BMPER: variants seen among roughly 807,000 people sequenced by gnomAD.
BMPER encodes BMP binding endothelial regulator.
BMPER carries 45 observed loss-of-function variants against 87.3 expected under a neutral mutation model. The observed-to-expected ratio is 0.52, with a 90% CI of 0.41 to 0.66. The LOEUF (loss-of-function observed/expected upper bound fraction) is 0.66. BMPER is among the 30% of genes least tolerant of loss of function. The probability of loss-of-function intolerance (pLI) is 0.00; values close to 1 mark genes in which losing one functional copy is unlikely to be tolerated. For missense variants in BMPER, 784 were observed against 867.5 expected, an observed-to-expected ratio of 0.90 and a Z score of 1.21; for synonymous variants, 326 against 316.2, an observed-to-expected ratio of 1.03 and a Z score of -0.33.
At chr7:33,993,312 G>C (rs1163451443) in intron 6 of BMPER, among the ~76,000 whole-genome samples, 74 of 150,258 alleles carry the variant, frequency 4.9e-4, no homozygotes, top group African/African-American at 1.2e-3. Context: ...AGGCTTTGCT[G>C]ATTTCTTTTT....
intron 13 of BMPER, among the ~76,000 whole-genome samples, chr7:34,102,613 T>C (rs950683621): frequency 6.6e-6 from 1 of 152,152 alleles, no homozygotes; most frequent in Non-Finnish European, 1.5e-5. Flanking sequence ...AGACTCTTAC[T>C]TGAAGAGGGG....
chr7:33,955,903 A>G (rs984669349), intron 3 of BMPER, among the ~76,000 whole-genome samples: 1 of 152,206 alleles, frequency 6.6e-6, no homozygotes, highest in East Asian at 1.9e-4. Flanking sequence ...GGGAACCTGG[A>G]CTAAGACAGA....
chr7:33,956,790 A>G (rs1785158754), intron 3 of BMPER, among the ~76,000 whole-genome samples: 1 of 152,260 alleles, frequency 6.6e-6, no homozygotes, highest in Admixed American at 6.5e-5. Context: ...TATAATACAC[A>G]TAACATACAA....
chr7:33,905,537 T>C (rs1783787957), upstream of BMPER: 3 of 1,565,576 alleles, frequency 1.9e-6, no homozygotes, highest in South Asian at 3.4e-5. Flanking sequence ...AGAGCCCTTT[T>C]CGACTGTGAG....
At chr7:34,010,881 T>C (rs1489615750) in intron 6 of BMPER, among the ~76,000 whole-genome samples, 3 of 151,962 alleles carry the variant, frequency 2.0e-5, no homozygotes, top group African/African-American at 7.2e-5. Context: ...TTAATTGACA[T>C]ATATTCAGCC....
At chr7:34,059,305 C>G (rs1464380999) in intron 10 of BMPER, among the ~76,000 whole-genome samples, 3 of 152,146 alleles carry the variant, frequency 2.0e-5, no homozygotes, top group Non-Finnish European at 4.4e-5. Flanking sequence ...AGTAACTAGC[C>G]TCAGCAGGCC....
intron 6 of BMPER, among the ~76,000 whole-genome samples, chr7:34,040,790 C>T (rs1181073327): frequency 6.6e-6 from 1 of 151,852 alleles, no homozygotes; most frequent in Non-Finnish European, 1.5e-5. Flanking sequence ...TTTCAGATTT[C>T]CATATTAGGG....
intron 13 of BMPER, among the ~76,000 whole-genome samples, chr7:34,129,603 AGAGAGAAAGAGAGAG>A (rs1562761978): frequency 3.9e-4 from 45 of 114,948 alleles, no homozygotes; most frequent in African/African-American, 1.5e-3. Context: ...AGAGAGAGAG[AGAGAGAAAGAGAGAG>A]AGAGAGAAAG....
intron 3 of BMPER, among the ~76,000 whole-genome samples, chr7:33,943,085 C>T (rs934099054): frequency 6.6e-6 from 1 of 152,032 alleles, no homozygotes; most frequent in Non-Finnish European, 1.5e-5. Flanking sequence ...TTTAATTAAA[C>T]ACTACATTAA....
At chr7:34,119,631 T>G (rs1276675614) in intron 13 of BMPER, among the ~76,000 whole-genome samples, 1 of 152,126 alleles carries the variant, frequency 6.6e-6, no homozygotes, top group African/African-American at 2.4e-5. Flanking sequence ...TTTGTTTTTC[T>G]AAAGGAAATA....
intron 7 of BMPER, among the ~76,000 whole-genome samples, chr7:34,047,800 T>TTCC (rs1788024066): frequency 6.8e-6 from 1 of 146,382 alleles, no homozygotes; most frequent in Non-Finnish European, 1.5e-5. Context: ...CCTTCCTTCC[T>TTCC]TCCTTCCTTT....
chr7:33,981,167 C>T (rs1006662629), intron 6 of BMPER, among the ~76,000 whole-genome samples: 4 of 152,170 alleles, frequency 2.6e-5, no homozygotes, highest in South Asian at 2.1e-4. Context: ...CCACCAGCAA[C>T]GTGGACCTCA....
intron 6 of BMPER, among the ~76,000 whole-genome samples, chr7:34,026,987 A>G (rs920211857): frequency 2.0e-5 from 3 of 152,066 alleles, no homozygotes; most frequent in Non-Finnish European, 4.4e-5. Context: ...CGCAGTCTGC[A>G]AAGTGAGCTT....
In BMPER at chr7:34,058,078, C is replaced by T. The variant is rs729630; in HGVS notation, c.947C>T (p.Ser316Phe). ...KIFQDGEMWS[S>F]INCTICACVK... ...TTGTAGGATGGAGAGATGTGGTCCTCTATCAATTGTACCATCTGTGCTTGT... is the reference window on the plus strand; with the variant it reads ...TTGTAGGATGGAGAGATGTGGTCCTTTATCAATTGTACCATCTGTGCTTGT... The change falls in exon 10 of 15, where the codon TCT becomes TTT. Residue 316 changes from serine (S) to phenylalanine (F), a missense_variant. Coordinates refer to ENST00000649409, the MANE Select transcript of BMPER (RefSeq NM_001365308.1). The T allele has an allele frequency of 6.2e-7, 1 of 1,614,090 alleles. No homozygotes were observed. Among genetic ancestry groups the T allele is most frequent in the Non-Finnish European group, 8.5e-7 (1 of 1,179,998 alleles).
intron 13 of BMPER, among the ~76,000 whole-genome samples, chr7:34,087,195 G>A (rs1335859713): frequency 2.0e-5 from 3 of 152,148 alleles, no homozygotes; most frequent in African/African-American, 7.2e-5. Context: ...TTGGCTCCGA[G>A]TCATGGGTTT....
chr7:34,060,806 C>T (rs1427688072), intron 10 of BMPER, among the ~76,000 whole-genome samples: 2 of 152,112 alleles, frequency 1.3e-5, no homozygotes, highest in Admixed American at 6.5e-5. Context: ...AGGACAACTG[C>T]ATGTGGAGGG....
intron 9 of BMPER, among the ~76,000 whole-genome samples, chr7:34,056,259 G>A (rs1788281606): frequency 1.3e-5 from 2 of 152,196 alleles, no homozygotes; most frequent in African/African-American, 4.8e-5. Flanking sequence ...GAGGGAGGGA[G>A]AGTATTAGAA....
upstream of BMPER, chr7:33,905,464 C>G: frequency 2.9e-6 from 2 of 678,392 alleles, no homozygotes; most frequent in Non-Finnish European, 4.8e-6. Context: ...CACACCCCCC[C>G]GCCCCCCAGC....
At chr7:33,966,438 C>G (rs769440090) in intron 3 of BMPER, 41 bp from the exon 4 acceptor site, 6 of 1,538,964 alleles carry the variant, frequency 3.9e-6, no homozygotes, top group Middle Eastern at 3.4e-4. Context: ...AACCCATACC[C>G]ATTCTTGGCC....
Sources: allele counts gnomAD v4.1 joint callset (sites outside exome capture counted in the v4.1 genomes callset), GRCh38; gene constraint gnomAD v4.1.1; transcripts MANE v1.5; gene names NCBI Gene and HGNC (gene_info 2026-07-23, HGNC 2026-07-21).